SEC24D: variants seen among roughly 807,000 people sequenced by gnomAD.
SEC24D encodes the protein SEC24 homolog D, COPII component, also known as protein transport protein Sec24D.
In SEC24D, 69 loss-of-function variants were observed where a neutral mutation model predicts 116.9. The observed-to-expected ratio is 0.59, with a 90% CI of 0.49 to 0.72. The LOEUF (loss-of-function observed/expected upper bound fraction) is 0.72, where lower values mean the gene tolerates loss of function less well. Ranked by LOEUF, SEC24D falls within the 30% of genes least tolerant of loss-of-function variation. The pLI is 0.00. For synonymous variants in SEC24D, 405 were observed against 442.8 expected, an observed-to-expected ratio of 0.91 and a Z score of 1.07; for missense variants, 1,131 against 1,264.1, an observed-to-expected ratio of 0.89 and a Z score of 1.60.
chr4:118,789,607 T>C (rs368504477), intron 8 of SEC24D, among the ~76,000 whole-genome samples: 46 of 152,352 alleles, frequency 3.0e-4, no homozygotes, highest in African/African-American at 1.0e-3. Flanking sequence ...TTTTTTGAGA[T>C]GGAGTCTTAC....
In SEC24D at chr4:118,805,844, T is replaced by C; in HGVS notation, c.912A>G (p.Gln304=). The part of the protein sequence containing the change: ...LVTTDCMIQD[Q]GNASPRFIRC... Reference sequence around the variant, plus strand: ...AATGGCATAATTAAAAACAAATACCTTGGTCTTGTATCATGCAATCTGTAG... The same window carrying C: ...AATGGCATAATTAAAAACAAATACCCTGGTCTTGTATCATGCAATCTGTAG... The change falls in exon 7 of 23, where the codon CAA becomes CAG. Residue 304 remains glutamine, a splice_region_variant and synonymous_variant. Transcript: ENST00000280551. 6.6e-7 allele frequency: 1 copy of C among 1,521,696 alleles called. No individual in the cohort carries two copies. Among genetic ancestry groups the C allele is most frequent in the Non-Finnish European group, 8.8e-7 (1 of 1,139,768 alleles). The allele number at this position is 1,521,696 out of a possible 1,614,324, so 94.3% of individuals were successfully genotyped here.
chr4:118,800,858 C>A (rs1034796854), intron 7 of SEC24D, among the ~76,000 whole-genome samples: 2 of 152,284 alleles, frequency 1.3e-5, no homozygotes, highest in African/African-American at 4.8e-5. Flanking sequence ...TTATAAATTT[C>A]TACAACATCC....
intron 13 of SEC24D, among the ~76,000 whole-genome samples, chr4:118,748,159 G>C (rs1440584075): frequency 6.6e-6 from 1 of 152,098 alleles, no homozygotes; most frequent in Non-Finnish European, 1.5e-5. Flanking sequence ...CCAGCTACTT[G>C]GGAGGGTGAG....
In SEC24D at chr4:118,793,247, C is replaced by T. The variant is rs558913908; in HGVS notation, c.1041+4436G>A. ...CTTTGGGAGGCCGAGGCGGGCGGAT[C>T]ACGAGGTCAGGAGATAGAGACCATC... On this transcript the variant is annotated intron_variant, in intron 8 of 22. Coordinates refer to ENST00000280551, the MANE Select transcript of SEC24D (RefSeq NM_014822.4). Among the ~76,000 whole-genome samples, 8 of 152,020 alleles carry T rather than the reference C, an allele frequency of 5.3e-5. No homozygotes were observed. The South Asian group carries it at 1.7e-3, about 32-fold the overall frequency.
chr4:118,823,336 C>A (rs1730473833), intron 3 of SEC24D, among the ~76,000 whole-genome samples: 1 of 152,180 alleles, frequency 6.6e-6, no homozygotes, highest in Admixed American at 6.5e-5. Context: ...GCCAAGCTCA[C>A]AAATGCCCTG....
In SEC24D at chr4:118,829,423, G is replaced by A. The variant is rs187214714; in HGVS notation, c.118+4156C>T. Among the ~76,000 whole-genome samples the A allele has an allele frequency of 6.8e-4, 104 of 152,248 alleles. No individual in the cohort carries two copies. The East Asian group carries it at 0.018, about 26-fold the overall frequency. On this transcript the variant is annotated intron_variant, in intron 2 of 22. Transcript: ENST00000280551. ...GCCACTTGGGAAGCTGGGGCAGGAG[G>A]ATCATTTGAGCCCAGGAGTTCAAGG...
rs1578468617 is a variant in SEC24D at position 118,815,713 on chromosome 4, A to G, written c.411T>C (p.Ala137=). 1 of 1,613,896 alleles carries G rather than the reference A, an allele frequency of 6.2e-7. No homozygotes were observed. Among genetic ancestry groups the G allele is most frequent in the Admixed American group, 1.7e-5 (1 of 60,026 alleles). ...MQINSYGSGM[A]PPSQGPPGPL... Reference sequence around the variant, plus strand: ...GGCCAGGGGGTCCCTGGCTTGGAGGAGCCATGCCTGAACCTGTGTGAGAAA... The same window carrying G: ...GGCCAGGGGGTCCCTGGCTTGGAGGGGCCATGCCTGAACCTGTGTGAGAAA... Residue 137 remains alanine (A), a synonymous_variant, in exon 5 of 23, where the codon GCT becomes GCC. Coordinates refer to ENST00000280551, the MANE Select transcript of SEC24D (RefSeq NM_014822.4).
chr4:118,816,776 C>T (rs1308548319), intron 4 of SEC24D: 1 of 455,752 alleles, frequency 2.2e-6, no homozygotes, highest in Admixed American at 2.4e-5. Context: ...ATGTAAATCT[C>T]AGTACTGTGA....
intron 13 of SEC24D, among the ~76,000 whole-genome samples, chr4:118,751,395 C>T (rs1482250194): frequency 1.3e-5 from 2 of 152,222 alleles, no homozygotes; most frequent in African/African-American, 4.8e-5. Flanking sequence ...TCAGGCTGGA[C>T]TCAAACTCCC....
rs1209775540 is a variant in SEC24D, at chr4:118,810,119, TG to T, written c.802-4166del. 3.5e-3 allele frequency among the ~76,000 whole-genome samples: 514 copies of T among 147,144 alleles called. 12 individuals are homozygous for T. Among genetic ancestry groups the T allele is most frequent in the African/African-American group, 0.012 (485 of 40,434 alleles). On this transcript the variant is annotated intron_variant, in intron 6 of 22. Transcript: ENST00000280551. ...GTGTGTGTGTGTGTGTGTGTGTGTG[TG>T]TGTGTGTGTGTGTGTGTCAGAGGGT... is the stretch of plus-strand genomic sequence containing the variant.
intron 8 of SEC24D, among the ~76,000 whole-genome samples, chr4:118,778,944 AT>A (rs1465494524): frequency 6.6e-6 from 1 of 152,182 alleles, no homozygotes; most frequent in African/African-American, 2.4e-5. Context: ...ATTTTTGCAC[AT>A]TGATTTTGTA....
chr4:118,788,419 C>G (rs1728747573), intron 8 of SEC24D, among the ~76,000 whole-genome samples: 1 of 152,204 alleles, frequency 6.6e-6, no homozygotes, highest in African/African-American at 2.4e-5. Flanking sequence ...GGCTCCTAAT[C>G]CAGTGTTCCA....
At chr4:118,832,881 G>A (rs1241604763) in intron 2 of SEC24D, among the ~76,000 whole-genome samples, 1 of 152,190 alleles carries the variant, frequency 6.6e-6, no homozygotes, top group Non-Finnish European at 1.5e-5. Context: ...ACATTCTGGA[G>A]AGGATGGTCC....
intron 13 of SEC24D, among the ~76,000 whole-genome samples, chr4:118,750,174 T>C (rs918724924): frequency 6.6e-5 from 10 of 152,354 alleles, no homozygotes; most frequent in African/African-American, 2.2e-4. Context: ...CTGACTATAC[T>C]GATTGCTGCA....
chr4:118,732,586 G>A (rs991098910), intron 20 of SEC24D, 147 bp downstream of exon 20: 37 of 755,358 alleles, frequency 4.9e-5, no homozygotes, highest in East Asian at 1.6e-4. Flanking sequence ...GCCCCTGCTC[G>A]AAATCCCACA....
chr4:118,754,677 T>C (rs1208526945), intron 11 of SEC24D, among the ~76,000 whole-genome samples: 5 of 152,276 alleles, frequency 3.3e-5, no homozygotes, highest in East Asian at 3.9e-4. Flanking sequence ...CCCAATAGTA[T>C]ACATTTCTTC....
At chr4:118,762,483 G>A (rs2110467924) in intron 10 of SEC24D, among the ~76,000 whole-genome samples, 1 of 152,156 alleles carries the variant, frequency 6.6e-6, no homozygotes. Context: ...CTACAGCTTG[G>A]CACATGGTAA....
intron 3 of SEC24D, among the ~76,000 whole-genome samples, chr4:118,823,282 A>C (rs1309838550): frequency 6.6e-6 from 1 of 152,120 alleles, no homozygotes; most frequent in Non-Finnish European, 1.5e-5. Context: ...TACCATTTCA[A>C]CCGGCAAATG....
rs114319416 is a variant in SEC24D at position 118,786,559 on chromosome 4, A to G, written c.1041+11124T>C. 6.5e-3 allele frequency among the ~76,000 whole-genome samples: 988 copies of G among 152,332 alleles called. 11 individuals carry two copies. The highest frequency in any genetic ancestry group is 0.023 in the African/African-American group (936 of 41,574). On this transcript the variant is annotated intron_variant, in intron 8 of 22. Coordinates refer to ENST00000280551, the MANE Select transcript of SEC24D (RefSeq NM_014822.4). ...AGATAGTATATTTCATTGATTCTAA[A>G]ATCCCTTCAATTCTAAGAGACACCA...
Sources: gnomAD v4.1 joint callset for allele counts (sites outside exome capture counted in the v4.1 genomes callset) on GRCh38, gnomAD v4.1.1 for gene constraint, MANE v1.5 for transcripts, NCBI Gene and HGNC (gene_info 2026-07-23, HGNC 2026-07-21) for gene names.